The following GUCY1A2 variants were observed in gnomAD, a reference collection of about 807,000 sequenced individuals.
GUCY1A2 encodes guanylate cyclase 1 soluble subunit alpha 2.
A neutral mutation model predicts 63.5 loss-of-function variants in GUCY1A2; 27 were observed. That is an observed-to-expected ratio of 0.43 (90% confidence interval 0.31 to 0.59). GUCY1A2 has a LOEUF of 0.59. Ranked by LOEUF, GUCY1A2 falls within the 20% of genes least tolerant of loss-of-function variation. The pLI is 0.11. For synonymous variants in GUCY1A2, 364 were observed against 343.5 expected, an observed-to-expected ratio of 1.06 and a Z score of -0.66; for missense variants, 768 against 913.3, an observed-to-expected ratio of 0.84 and a Z score of 2.05.
At chr11:106,896,324 A>G (rs1860048987) in intron 4 of GUCY1A2, among the ~76,000 whole-genome samples, 1 of 152,170 alleles carries the variant, frequency 6.6e-6, no homozygotes, top group Admixed American at 6.6e-5. Context: ...TCAACTTAAT[A>G]AAGAATATCT....
chr11:107,018,077 G>C lies in GUCY1A2; in HGVS notation c.-22C>G. 1 of 1,415,510 alleles carries C rather than the reference G, an allele frequency of 7.1e-7. No homozygotes were observed. The highest frequency in any genetic ancestry group is 1.5e-5 in the South Asian group (1 of 68,518). 87.7% of individuals were successfully genotyped at this position (1,415,510 alleles called of 1,614,324 possible). A position where few individuals can be genotyped will look rare whatever the true frequency, so the allele number is the denominator to read the frequency against. Reference sequence around the variant, plus strand: ...ACATGCTGCCGGCGGAGCTGCAGCGGCCGAGGCGGTGGCGGCGAGGACGCG... The same window carrying C: ...ACATGCTGCCGGCGGAGCTGCAGCGCCCGAGGCGGTGGCGGCGAGGACGCG... On this transcript the variant is annotated 5_prime_UTR_variant, in exon 1 of 8. Transcript: ENST00000526355.
intron 4 of GUCY1A2, among the ~76,000 whole-genome samples, chr11:106,907,740 A>AT (rs1860232773): frequency 1.3e-5 from 2 of 151,998 alleles, no homozygotes; most frequent in South Asian, 2.1e-4. Flanking sequence ...TGAACTCATC[A>AT]TTTTTTATGG....
At chr11:106,965,860 C>T (rs1022809519) in intron 3 of GUCY1A2, among the ~76,000 whole-genome samples, 4 of 151,564 alleles carry the variant, frequency 2.6e-5, no homozygotes, top group African/African-American at 9.7e-5. Flanking sequence ...GCAAATGCTA[C>T]TCAGACATCA....
At chr11:106,967,861 T>C (rs1432236727) in intron 3 of GUCY1A2, among the ~76,000 whole-genome samples, 1 of 152,108 alleles carries the variant, frequency 6.6e-6, no homozygotes, top group Non-Finnish European at 1.5e-5. Flanking sequence ...TAAGCATGTA[T>C]CTGGAAGACA....
intron 4 of GUCY1A2, among the ~76,000 whole-genome samples, chr11:106,933,627 C>T (rs1860635153): frequency 6.6e-6 from 1 of 152,122 alleles, no homozygotes; most frequent in Non-Finnish European, 1.5e-5. Flanking sequence ...TCATTCTACT[C>T]AAAAGACACT....
chr11:106,858,548 T>C (rs917804559), intron 4 of GUCY1A2, among the ~76,000 whole-genome samples: 2 of 152,062 alleles, frequency 1.3e-5, no homozygotes, highest in East Asian at 3.9e-4. Context: ...CATCAAGAGG[T>C]AGAGGCAGTA....
intron 4 of GUCY1A2, among the ~76,000 whole-genome samples, chr11:106,817,729 G>A (rs544308297): frequency 1.3e-5 from 2 of 151,948 alleles, no homozygotes; most frequent in Admixed American, 6.6e-5. Flanking sequence ...AAATAGCCAA[G>A]AGAAATATGA....
chr11:106,846,800 A>G (rs777124756), intron 4 of GUCY1A2, among the ~76,000 whole-genome samples: 127 of 151,604 alleles, frequency 8.4e-4, no homozygotes, highest in Non-Finnish European at 1.6e-3. Flanking sequence ...AATTATTCAA[A>G]GATATAATAC....
chr11:106,853,186 A>G (rs1223556461), intron 4 of GUCY1A2, among the ~76,000 whole-genome samples: 1 of 152,182 alleles, frequency 6.6e-6, no homozygotes, highest in African/African-American at 2.4e-5. Flanking sequence ...ATCTTCCAAA[A>G]GACTTGGGAA....
chr11:106,711,156 A>T (rs1863111477), intron 6 of GUCY1A2, among the ~76,000 whole-genome samples: 1 of 152,196 alleles, frequency 6.6e-6, no homozygotes, highest in Non-Finnish European at 1.5e-5. Flanking sequence ...GTGCATGGAT[A>T]GCATCATATA....
rs1863086992 is a variant in GUCY1A2, at chr11:106,710,223, TATAG to T, written c.1837-1561_1837-1558del. 4.3e-3 allele frequency among the ~76,000 whole-genome samples: 176 copies of T among 41,252 alleles called. 4 individuals are homozygous for T. Among genetic ancestry groups the T allele is most frequent in the South Asian group, 6.0e-3 (6 of 994 alleles). The allele number at this position is 41,252 out of a possible 152,430, so 27.1% of individuals were successfully genotyped here. A position where few individuals can be genotyped will look rare whatever the true frequency, so the allele number is the denominator to read the frequency against. On this transcript the variant is annotated intron_variant, in intron 6 of 7. Transcript: ENST00000526355. Reference sequence around the variant, plus strand: ...TTATATATTATATACATGTATATAATATAGTTATATATATAATATATAGTTATAT... The same window carrying T: ...TTATATATTATATACATGTATATAATTTATATATATAATATATAGTTATAT...
chr11:106,677,212 A>G lies in GUCY1A2; in HGVS notation c.*10337T>C, dbSNP rs137935721. 6.3e-5 allele frequency: 14 copies of G among 221,610 alleles called. No individual in the cohort carries two copies. Among genetic ancestry groups the G allele is most frequent in the African/African-American group, 2.9e-4 (13 of 44,738 alleles). The allele number at this position is 221,610 out of a possible 1,614,324, so 13.7% of individuals were successfully genotyped here. A position where few individuals can be genotyped will look rare whatever the true frequency, so the allele number is the denominator to read the frequency against. On this transcript the variant is annotated 3_prime_UTR_variant, in exon 8 of 8. Transcript: ENST00000526355. The stretch of plus-strand genomic sequence containing the variant: ...GAAGGAAAGGAAGGAAGGAAGGAAG[A>G]TAGGAAGATAATTCAATGGAAAAAA...
chr11:106,708,515 T>A lies in GUCY1A2; in HGVS notation c.1988A>T (p.Tyr663Phe). 1 of 1,611,164 alleles carries A rather than the reference T, an allele frequency of 6.2e-7. No homozygotes were observed. Reference protein sequence around the residue: ...PRRINVSPTTYQLLKREESFT... With the variant: ...PRRINVSPTTFQLLKREESFT... ...GAGGAGGCCAGAGAACACTTACTGG[T>A]AAGTGGTTGGGCTGACATTGATGCG... is the stretch of plus-strand genomic sequence containing the variant. Residue 663 changes from tyrosine (Y) to phenylalanine (F), a missense_variant, in exon 7 of 8, where the codon TAC becomes TTC. Around this residue, in one of 3 missense-constraint regions of GUCY1A2, gnomAD observed 150 missense variants for 188.3 expected, o/e 0.80. Transcript: ENST00000526355.
chr11:106,676,074 T>TAAA lies in GUCY1A2; in HGVS notation c.*11474_*11475insTTT, dbSNP rs1862340829. Reference sequence around the variant, plus strand: ...GTATAATTTTCTATTAACACAAACTTATGTCATGAAGATAATTAAGTGGTT... The same window carrying TAAA: ...GTATAATTTTCTATTAACACAAACTTAAAATGTCATGAAGATAATTAAGTGGTT... On this transcript the variant is annotated 3_prime_UTR_variant, in exon 8 of 8. Transcript: ENST00000526355. 1 of 183,392 alleles carries TAAA rather than the reference T, an allele frequency of 5.5e-6. No homozygotes were observed. The highest frequency in any genetic ancestry group is 1.2e-5 in the Non-Finnish European group (1 of 86,254). The allele number at this position is 183,392 out of a possible 1,614,324, so 11.4% of individuals were successfully genotyped here.
chr11:106,845,244 A>G (rs7944123), intron 4 of GUCY1A2, among the ~76,000 whole-genome samples: 37,047 of 151,320 alleles, frequency 0.24, 4,689 homozygotes, highest in Non-Finnish European at 0.26. Context: ...CTTAATTAAA[A>G]TAAAACAAAA....
intron 6 of GUCY1A2, among the ~76,000 whole-genome samples, chr11:106,770,578 A>G (rs1485971446): frequency 1.3e-5 from 2 of 152,064 alleles, no homozygotes; most frequent in Non-Finnish European, 2.9e-5. Context: ...AATAGCAAAA[A>G]CTATTTAAAA....
At chr11:106,844,153 T>C (rs1859239890) in intron 4 of GUCY1A2, among the ~76,000 whole-genome samples, 1 of 151,866 alleles carries the variant, frequency 6.6e-6, no homozygotes, top group African/African-American at 2.4e-5. Context: ...TCCTTTGTAT[T>C]CTGGAATCTG....
Position 106,675,131 on chromosome 11 carries a change from G to T in GUCY1A2, c.*12418C>A. 1.4e-5 allele frequency: 3 copies of T among 213,400 alleles called. No homozygotes were observed. Among genetic ancestry groups the T allele is most frequent in the Non-Finnish European group, 1.9e-5 (2 of 105,506 alleles). The allele number at this position is 213,400 out of a possible 1,614,324, so 13.2% of individuals were successfully genotyped here. A position where few individuals can be genotyped will look rare whatever the true frequency, so the allele number is the denominator to read the frequency against. On this transcript the variant is annotated 3_prime_UTR_variant, in exon 8 of 8. Coordinates refer to ENST00000526355, the MANE Select transcript of GUCY1A2 (RefSeq NM_000855.3). ...AGGTTGATTTTGAAATGAATGATAT[G>T]TATTATTTCTGGAATGCACTTAATC... is the stretch of plus-strand genomic sequence containing the variant.
chr11:106,808,334 T>C (rs967990089), intron 5 of GUCY1A2, among the ~76,000 whole-genome samples: 3 of 152,116 alleles, frequency 2.0e-5, no homozygotes, highest in Non-Finnish European at 4.4e-5. Flanking sequence ...TTCATGACTA[T>C]ATGAAACTGT....
Sources: allele counts gnomAD v4.1 joint callset (sites outside exome capture counted in the v4.1 genomes callset), GRCh38; gene constraint gnomAD v4.1.1; regional missense constraint gnomAD v4.1.1; transcripts MANE v1.5; gene names NCBI Gene and HGNC (gene_info 2026-07-23, HGNC 2026-07-21).